The following EDA variants were observed in gnomAD, a reference collection of about 807,000 sequenced individuals.
EDA encodes ectodysplasin-A.
Under a neutral mutation model 23.6 loss-of-function variants are expected in EDA, and 2 were observed. The ratio of observed to expected loss-of-function variants is 0.08; its 90% CI spans 0.03 to 0.27. The LOEUF (loss-of-function observed/expected upper bound fraction) is 0.27. Ranked by LOEUF, EDA falls within the 10% of genes least tolerant of loss-of-function variation. The pLI, the probability that EDA is intolerant of heterozygous loss-of-function variation, is 1.00. For missense variants in EDA, 229 were observed against 324.2 expected (o/e 0.71, Z 2.26); for synonymous variants, 131 against 132.0 (o/e 0.99, Z 0.05).
At position 70,035,996 on chromosome X, in the gene EDA, C is replaced by G; in HGVS notation, c.*387C>G. 4.8e-6 allele frequency: 1 copy of G among 206,822 alleles called. No homozygotes were observed. The highest frequency in any genetic ancestry group is 8.8e-6 in the Non-Finnish European group (1 of 113,972). The allele number at this position is 206,822 out of a possible 1,213,427, so 17.0% of individuals were successfully genotyped here. A position where few individuals can be genotyped will look rare whatever the true frequency, so the allele number is the denominator to read the frequency against. On this transcript the variant is annotated 3_prime_UTR_variant, in exon 8 of 8. Transcript: ENST00000374552. ...CACTCCAGACTCTGGGGGTGGACAT[C>G]TGACCCCAAGGGGGCTGCTGCTCCT...
At chrX:69,899,578 C>T (rs1488982970) in intron 1 of EDA, among the ~76,000 whole-genome samples, 1 of 110,357 alleles carries the variant, frequency 9.1e-6, no homozygotes, top group African/African-American at 3.3e-5. Flanking sequence ...TATGTATATA[C>T]ATATACTGTA....
chrX:69,632,957 G>A (rs1264410321), intron 1 of EDA, among the ~76,000 whole-genome samples: 1 of 110,883 alleles, frequency 9.0e-6, no homozygotes, highest in Non-Finnish European at 1.9e-5. Flanking sequence ...CTCATCTTTG[G>A]GGGGGACCTT....
At chrX:69,953,605 T>A (rs943812968) in intron 1 of EDA, among the ~76,000 whole-genome samples, 1 of 111,973 alleles carries the variant, frequency 8.9e-6, no homozygotes, top group Non-Finnish European at 1.9e-5. Context: ...TTAGCTTTAT[T>A]TATAATAGCC....
intron 1 of EDA, among the ~76,000 whole-genome samples, chrX:69,784,945 C>G (rs1414788681): frequency 9.0e-6 from 1 of 110,991 alleles, no homozygotes; most frequent in African/African-American, 3.3e-5. Context: ...TCTTCCATTT[C>G]TTTGCATCCT....
chrX:69,952,713 T>G (rs1373081087), intron 1 of EDA, among the ~76,000 whole-genome samples: 3 of 112,458 alleles, frequency 2.7e-5, no homozygotes, highest in Non-Finnish European at 5.6e-5. Context: ...GAGTTGTTTC[T>G]GCTGTCTGCA....
At chrX:69,835,139 C>T (rs1486997991) in intron 1 of EDA, among the ~76,000 whole-genome samples, 1 of 78,340 alleles carries the variant, frequency 1.3e-5, no homozygotes, top group Non-Finnish European at 2.9e-5. Context: ...TCTGGCTGCC[C>T]TTAACACTTT....
At chrX:69,963,259 C>T (rs2019127578) in intron 2 of EDA, among the ~76,000 whole-genome samples, 2 of 111,904 alleles carry the variant, frequency 1.8e-5, no homozygotes, top group Non-Finnish European at 3.8e-5. Flanking sequence ...TCAAAGAAAA[C>T]AGACTTTCTG....
intron 1 of EDA, among the ~76,000 whole-genome samples, chrX:69,737,634 T>C (rs941506763): frequency 8.9e-6 from 1 of 112,564 alleles, no homozygotes; most frequent in Non-Finnish European, 1.9e-5. Flanking sequence ...TAAAAAATGA[T>C]TACATATCTT....
At chrX:69,954,407 C>G (rs1350926750) in intron 1 of EDA, among the ~76,000 whole-genome samples, 2 of 111,170 alleles carry the variant, frequency 1.8e-5, no homozygotes, top group Non-Finnish European at 3.8e-5. Flanking sequence ...TGCTTCCCCT[C>G]TTGCTCCCAG....
intron 1 of EDA, among the ~76,000 whole-genome samples, chrX:69,653,706 T>C (rs1761642756): frequency 9.0e-6 from 1 of 111,591 alleles, no homozygotes; most frequent in African/African-American, 3.3e-5. Context: ...GGGAAAGGAT[T>C]CCCTATTTAA....
intron 1 of EDA, among the ~76,000 whole-genome samples, chrX:69,632,499 A>G (rs1253717170): frequency 1.8e-5 from 2 of 111,778 alleles, no homozygotes; most frequent in Non-Finnish European, 3.8e-5. Context: ...TCAGGCCCCA[A>G]CCTCTGCTGG....
chrX:69,897,448 G>C (rs757571255), intron 1 of EDA, among the ~76,000 whole-genome samples: 1 of 111,966 alleles, frequency 8.9e-6, no homozygotes, highest in Non-Finnish European at 1.9e-5. Flanking sequence ...TAAAGTGAGT[G>C]ATATGAATGT....
chrX:69,865,945 A>G (rs2017478951), intron 1 of EDA, among the ~76,000 whole-genome samples: 1 of 112,685 alleles, frequency 8.9e-6, no homozygotes, highest in South Asian at 3.7e-4. Flanking sequence ...GTACAAGTAT[A>G]TAAATGCACC....
chrX:69,776,645 C>G (rs2014794373), intron 1 of EDA, among the ~76,000 whole-genome samples: 1 of 110,983 alleles, frequency 9.0e-6, no homozygotes, highest in African/African-American at 3.3e-5. Context: ...AAATGCATAG[C>G]CCTGAAGAAG....
At chrX:69,711,274 T>C (rs1312362184) in intron 1 of EDA, among the ~76,000 whole-genome samples, 2 of 111,689 alleles carry the variant, frequency 1.8e-5, no homozygotes, top group Non-Finnish European at 3.8e-5. Flanking sequence ...TCTTTGGTTC[T>C]GTTTATATGC....
At chrX:69,861,651 A>G (rs966035120) in intron 1 of EDA, among the ~76,000 whole-genome samples, 1 of 111,838 alleles carries the variant, frequency 8.9e-6, no homozygotes, top group South Asian at 3.6e-4. Context: ...ACTCATCTAA[A>G]GCATAAGAAC....
intron 1 of EDA, among the ~76,000 whole-genome samples, chrX:69,893,889 CA>C (rs1195867899): frequency 2.7e-4 from 30 of 112,125 alleles, no homozygotes; most frequent in African/African-American, 9.1e-4. Context: ...ACTTGTAAAA[CA>C]AAGGAGTTGG....
chrX:69,997,742 A>G (rs956760753), intron 2 of EDA, among the ~76,000 whole-genome samples: 3 of 112,019 alleles, frequency 2.7e-5, no homozygotes, highest in Non-Finnish European at 5.6e-5. Flanking sequence ...CAGCCTAGGG[A>G]CTTGGTGCCC....
intron 1 of EDA, among the ~76,000 whole-genome samples, chrX:69,676,564 A>G (rs1478398411): frequency 9.1e-6 from 1 of 109,935 alleles, no homozygotes; most frequent in Non-Finnish European, 1.9e-5. Flanking sequence ...TGGACTCTCA[A>G]TATATATTTT....
Sources: gnomAD v4.1 joint callset for allele counts (sites outside exome capture counted in the v4.1 genomes callset) on GRCh38, gnomAD v4.1.1 for gene constraint, MANE v1.5 for transcripts, NCBI Gene and HGNC (gene_info 2026-07-23, HGNC 2026-07-21) for gene names.